ECSCR: variants seen among roughly 807,000 people sequenced by gnomAD.
ECSCR encodes endothelial cell-specific chemotaxis regulator.
A neutral mutation model predicts 16.7 loss-of-function variants in ECSCR; 12 were observed. The observed-to-expected ratio is 0.72, with a 90% confidence interval of 0.46 to 1.17. The LOEUF is 1.17. Ranked by LOEUF, ECSCR falls within the 50% of genes most tolerant of loss-of-function variation. ECSCR has a pLI of 0.00. For missense variants in ECSCR, 122 were observed against 116.1 expected (o/e 1.05, Z -0.23); for synonymous variants, 44 against 42.2 (o/e 1.04, Z -0.17).
chr5:139,452,375 C>A (rs1186359496), intron 8 of ECSCR, among the ~76,000 whole-genome samples: 3 of 128,050 alleles, frequency 2.3e-5, no homozygotes, highest in South Asian at 2.6e-4. Flanking sequence ...TGATGTGAGG[C>A]CTGTGCTGTA....
At chr5:139,455,847 G>A (rs973705508) in intron 5 of ECSCR, among the ~76,000 whole-genome samples, 1 of 148,232 alleles carries the variant, frequency 6.7e-6, no homozygotes, top group Non-Finnish European at 1.5e-5. Flanking sequence ...AAAAAGACCG[G>A]GCACGGTGGC....
At chr5:139,454,033 G>C (rs951283245) in intron 8 of ECSCR, among the ~76,000 whole-genome samples, 26 of 146,984 alleles carry the variant, frequency 1.8e-4, no homozygotes, top group Non-Finnish European at 3.0e-4. Flanking sequence ...GATATGTGTG[G>C]TGTGTGGAGT....
chr5:139,458,222 C>T, intron 1 of ECSCR, 39 bp from the exon 2 acceptor site: 2 of 1,541,658 alleles, frequency 1.3e-6, no homozygotes, highest in East Asian at 4.9e-5. Context: ...GGTAAGTCCC[C>T]TGCCCAGCAC....
intron 8 of ECSCR, among the ~76,000 whole-genome samples, chr5:139,451,839 T>G (rs1410405546): frequency 6.7e-6 from 1 of 148,188 alleles, no homozygotes; most frequent in Non-Finnish European, 1.5e-5. Flanking sequence ...GGGGTGCATG[T>G]GTAGTATAGG....
chr5:139,460,296 C>T (rs545470009), intron 1 of ECSCR, among the ~76,000 whole-genome samples: 5 of 152,026 alleles, frequency 3.3e-5, no homozygotes, highest in East Asian at 1.9e-4. Context: ...CCACCATGCC[C>T]GGCTAATTTT....
intron 4 of ECSCR, among the ~76,000 whole-genome samples, chr5:139,457,299 C>G (rs1421034223): frequency 6.6e-6 from 1 of 152,190 alleles, no homozygotes; most frequent in Non-Finnish European, 1.5e-5. Flanking sequence ...AGCTCGGCTT[C>G]AGAAGCTGCT....
Position 139,448,693 on chromosome 5 carries a change from C to A in ECSCR, c.*207G>T. 1 of 1,390,348 alleles carries A rather than the reference C, an allele frequency of 7.2e-7. No individual in the cohort carries two copies. Among genetic ancestry groups the A allele is most frequent in the Non-Finnish European group, 9.3e-7 (1 of 1,072,604 alleles). 86.1% of individuals were successfully genotyped at this position (1,390,348 alleles called of 1,614,324 possible). ...GGAGAAGCAGGCAGTATTTCCACAG[C>A]AGCTGTCCATACAGGAAAGAGTCTC... On this transcript the variant is annotated 3_prime_UTR_variant, in exon 10 of 10. Coordinates refer to ENST00000618155, the MANE Select transcript of ECSCR (RefSeq NM_001077693.4).
intron 2 of ECSCR, 34 bp downstream of exon 2, chr5:139,458,105 A>G: frequency 6.5e-7 from 1 of 1,545,296 alleles, no homozygotes. Context: ...TCCTAGGCCT[A>G]CACGCTGGAG....
At chr5:139,454,801 G>C in intron 7 of ECSCR, 24 bp downstream of exon 7, 1 of 398,528 alleles carries the variant, frequency 2.5e-6, no homozygotes, top group Non-Finnish European at 4.4e-6. Context: ...AGGGGAAAAA[G>C]ATCCCCGAGG....
rs2152087673 is a variant in ECSCR, at chr5:139,449,168, G to A, written c.519C>T (p.Ser173=). The A allele has an allele frequency of 6.5e-7, 1 of 1,537,096 alleles. No homozygotes were observed. ...PGSSGLSESC[S]TANGEKDSIT... is the part of the protein sequence containing the mutation. ...TGCTGTCTTTCTCTCCATTGGCTGT[G>A]GAGCAGCTGGGGGAGGAAGGGGGTC... The change falls in exon 9 of 10, where the codon TCC becomes TCT. Residue 173 remains serine, a synonymous_variant. Transcript: ENST00000618155.
At chr5:139,450,243 C>T (rs1008530508) in intron 8 of ECSCR, among the ~76,000 whole-genome samples, 3 of 152,122 alleles carry the variant, frequency 2.0e-5, no homozygotes, top group Admixed American at 6.6e-5. Context: ...CGGCTTACAC[C>T]TATAATCCCA....
chr5:139,457,955 A>T lies in ECSCR; in HGVS notation c.107-148T>A. ...TCACCTCTTTTTTCTTTCAAGGTAC[A>T]TTAGACTCAGCTAGGCTGAAAAAAA... is the stretch of plus-strand genomic sequence containing the variant. On this transcript the variant is annotated intron_variant, in intron 2 of 9. Transcript: ENST00000618155. 5 of 1,178,120 alleles carry T rather than the reference A, an allele frequency of 4.2e-6. No individual in the cohort carries two copies. In the Admixed American group the frequency reaches 1.0e-4, roughly 24 times the overall value. The allele number at this position is 1,178,120 out of a possible 1,614,324, so 73.0% of individuals were successfully genotyped here.
At chr5:139,450,530 C>A (rs1466972805) in intron 8 of ECSCR, among the ~76,000 whole-genome samples, 1 of 148,392 alleles carries the variant, frequency 6.7e-6, no homozygotes, top group African/African-American at 2.5e-5. Flanking sequence ...GTAATCCCAG[C>A]GCTTTGGGAG....
chr5:139,454,783 G>A (rs988238881), intron 7 of ECSCR, 42 bp downstream of exon 7: 11 of 398,234 alleles, frequency 2.8e-5, no homozygotes, highest in Non-Finnish European at 4.4e-5. Flanking sequence ...CCCTGGGTCC[G>A]CCAGCAGAGG....
At chr5:139,455,814 TAAAAAAAAAAAA>T (rs1187505493) in intron 5 of ECSCR, among the ~76,000 whole-genome samples, 17 of 49,034 alleles carry the variant, frequency 3.5e-4, no homozygotes, top group African/African-American at 7.7e-4. Flanking sequence ...CCATCTCTCC[TAAAAAAAAAAAA>T]AAAAAAAAAA....
Position 139,448,912 on chromosome 5 carries a change from C to G in ECSCR, c.610-4G>C, listed in dbSNP as rs1750967347. 2.0e-6 allele frequency: 3 copies of G among 1,537,198 alleles called. No individual in the cohort carries two copies. The highest frequency in any genetic ancestry group is 2.6e-6 in the Non-Finnish European group (3 of 1,146,902). On this transcript the variant is annotated splice_polypyrimidine_tract_variant and splice_region_variant and intron_variant, in intron 9 of 9. Coordinates refer to ENST00000618155, the MANE Select transcript of ECSCR (RefSeq NM_001077693.4). Reference sequence around the variant, plus strand: ...CCCAAAGTTGCTTTTAAAGAACCTGCAAAATAAATGCATAATGGGGAAGGG... The same window carrying G: ...CCCAAAGTTGCTTTTAAAGAACCTGGAAAATAAATGCATAATGGGGAAGGG...
chr5:139,448,817 G>A lies in ECSCR; in HGVS notation c.*83C>T. On this transcript the variant is annotated 3_prime_UTR_variant, in exon 10 of 10. Transcript: ENST00000618155. Reference sequence around the variant, plus strand: ...TAAAATAATTTACATGTGGTTCATTGCCTCTACTAATTCCATCTCTTCCTC... The same window carrying A: ...TAAAATAATTTACATGTGGTTCATTACCTCTACTAATTCCATCTCTTCCTC... The A allele has an allele frequency of 6.6e-7, 1 of 1,526,528 alleles. No individual in the cohort carries two copies. The highest frequency in any genetic ancestry group is 8.7e-7 in the Non-Finnish European group (1 of 1,143,236). 94.6% of individuals were successfully genotyped at this position (1,526,528 alleles called of 1,614,324 possible).
intron 5 of ECSCR, 148 bp downstream of exon 5, chr5:139,456,326 A>T (rs1477434776): frequency 1.8e-5 from 7 of 384,762 alleles, no homozygotes; most frequent in Non-Finnish European, 3.2e-5. Context: ...TTCAGGCCCA[A>T]TTGCTGTTCC....
intron 6 of ECSCR, 21 bp from the exon 7 acceptor site, chr5:139,454,944 G>T (rs2152089042): frequency 2.5e-6 from 1 of 398,850 alleles, no homozygotes; most frequent in African/African-American, 2.1e-5. Flanking sequence ...AAAAGAATGG[G>T]GTGAAGGGGG....
Sources: allele counts gnomAD v4.1 joint callset (sites outside exome capture counted in the v4.1 genomes callset), GRCh38; gene constraint gnomAD v4.1.1; transcripts MANE v1.5; gene names NCBI Gene and HGNC (gene_info 2026-07-23, HGNC 2026-07-21).